NGLY1: variants seen among roughly 807,000 people sequenced by gnomAD.
NGLY1 encodes the protein peptide-N(4)-(N-acetyl-beta-glucosaminyl)asparagine amidase.
In NGLY1, 68 loss-of-function variants were observed where a neutral mutation model predicts 84.6. The ratio of observed to expected loss-of-function variants is 0.80; its 90% CI spans 0.66 to 0.98. The LOEUF (loss-of-function observed/expected upper bound fraction) is 0.98. Ranked by LOEUF, NGLY1 falls within the 50% of genes least tolerant of loss-of-function variation. The pLI, the probability that NGLY1 is intolerant of heterozygous loss-of-function variation, is 0.00. For synonymous variants in NGLY1, 280 were observed against 275.2 expected (o/e 1.02, Z -0.17); for missense variants, 779 against 770.2 (o/e 1.01, Z -0.14).
chr3:25,782,257 T>C (rs539975756), intron 1 of NGLY1, among the ~76,000 whole-genome samples: 1 of 152,286 alleles, frequency 6.6e-6, no homozygotes, highest in African/African-American at 2.4e-5. Context: ...GTGAAACCTA[T>C]AACCTTGAAA....
chr3:25,724,078 C>G (rs147409911), intron 10 of NGLY1, among the ~76,000 whole-genome samples: 85 of 152,310 alleles, frequency 5.6e-4, no homozygotes, highest in African/African-American at 1.9e-3. Context: ...CCACTATTTT[C>G]AGGACTGAGA....
intron 2 of NGLY1, among the ~76,000 whole-genome samples, chr3:25,771,162 T>A (rs1294731577): frequency 7.2e-5 from 11 of 152,182 alleles, no homozygotes; most frequent in African/African-American, 2.7e-4. Context: ...TCTTCTAGAA[T>A]TTTTTATGGT....
At chr3:25,761,905 A>G (rs747148381) in intron 3 of NGLY1, among the ~76,000 whole-genome samples, 22 of 152,214 alleles carry the variant, frequency 1.4e-4, no homozygotes, top group Non-Finnish European at 2.4e-4. Context: ...TATATCCTGC[A>G]ATACGAAGAA....
Position 25,739,686 on chromosome 3 carries a change from T to C in NGLY1, c.772A>G (p.Arg258Gly), listed in dbSNP as rs200925557. Residue 258 changes from arginine (R) to glycine (G), a missense_variant, in exon 5 of 12, where the codon AGG (arginine) becomes GGG (glycine). Arg to Gly is a moderately radical substitution (Grantham distance 125). Coordinates refer to ENST00000280700, the MANE Select transcript of NGLY1 (RefSeq NM_018297.4). ...GGCAGTAATGATCTATCTCTAGACC[T>C]AGTCTGTCCACCACATTTGCTGCAC... ...VLCSKCGGQTRSRDRSLLPSD... is the reference protein window; with the variant it reads ...VLCSKCGGQTGSRDRSLLPSD... 10 of 1,614,090 alleles carry C rather than the reference T, an allele frequency of 6.2e-6. No individual in the cohort carries two copies. Among genetic ancestry groups the C allele is most frequent in the Non-Finnish European group, 8.5e-6 (10 of 1,179,996 alleles).
chr3:25,775,010 T>C (rs1382713822), intron 2 of NGLY1, among the ~76,000 whole-genome samples: 1 of 152,202 alleles, frequency 6.6e-6, no homozygotes, highest in Non-Finnish European at 1.5e-5. Context: ...CACTCAGCTC[T>C]CTAAATTAAT....
intron 9 of NGLY1, chr3:25,729,559 T>C (rs958820681): frequency 1.5e-5 from 4 of 275,118 alleles, no homozygotes; most frequent in South Asian, 1.6e-4. Context: ...TTTTGTGATT[T>C]TGCATTCAAT....
intron 2 of NGLY1, among the ~76,000 whole-genome samples, chr3:25,773,205 T>C (rs548222796): frequency 6.6e-6 from 1 of 152,338 alleles, no homozygotes; most frequent in East Asian, 1.9e-4. Flanking sequence ...TTTTCCTCAA[T>C]TATTCCCTCA....
At chr3:25,748,449 T>C (rs547397248) in intron 4 of NGLY1, among the ~76,000 whole-genome samples, 14 of 152,308 alleles carry the variant, frequency 9.2e-5, no homozygotes, top group African/African-American at 3.4e-4. Flanking sequence ...ACAACTCTAG[T>C]TAGATTAATT....
At position 25,746,591 on chromosome 3, in the gene NGLY1, A is replaced by G. The variant is rs1706448306; in HGVS notation, c.658+4507T>C. ...AAATGGACTTTAAGTCTTAGCTAAT[A>G]GACTTGAAGGATTCTTGGTCCACTG... is the stretch of plus-strand genomic sequence containing the variant. On this transcript the variant is annotated intron_variant, in intron 4 of 11. Transcript: ENST00000280700. Among the ~76,000 whole-genome samples the G allele has an allele frequency of 2.0e-5, 3 of 152,340 alleles. No homozygotes were observed. The South Asian group carries it at 6.2e-4, about 32-fold the overall frequency.
intron 8 of NGLY1, among the ~76,000 whole-genome samples, chr3:25,733,184 G>A (rs1162790336): frequency 1.3e-5 from 2 of 152,096 alleles, no homozygotes; most frequent in Admixed American, 6.6e-5. Flanking sequence ...CACATCAGGA[G>A]TAAGTGCAGA....
At chr3:25,759,730 G>A (rs1317061327) in intron 3 of NGLY1, among the ~76,000 whole-genome samples, 2 of 152,148 alleles carry the variant, frequency 1.3e-5, no homozygotes, top group Non-Finnish European at 2.9e-5. Context: ...AGTTTAAAAT[G>A]TGAAATCTGT....
Position 25,783,292 on chromosome 3 carries a change from C to G in NGLY1, c.99G>C (p.Lys33Asn). 6.2e-7 allele frequency: 1 copy of G among 1,609,302 alleles called. No homozygotes were observed. Among genetic ancestry groups the G allele is most frequent in the Admixed American group, 1.7e-5 (1 of 59,804 alleles). Residue 33 changes from lysine to asparagine, a missense_variant, in exon 1 of 12, where the codon AAG (lysine) becomes AAC (asparagine). Lys to Asn is a moderately conservative substitution (Grantham distance 94). Coordinates refer to ENST00000280700, the MANE Select transcript of NGLY1 (RefSeq NM_018297.4). This position sits in a 1 kb window ranked among gnomAD's most constrained non-coding sequence, Gnocchi z 4.5. ...NTPETFLEASKLLLTYADNIL... is the reference protein window; with the variant it reads ...NTPETFLEASNLLLTYADNIL... ...TGTTGTCAGCATAGGTGAGCAGCAG[C>G]TTGGAGGCCTCCAAAAAGGTCTCCG...
At chr3:25,735,910 G>C in intron 7 of NGLY1, 94 bp downstream of exon 7, 2 of 1,073,024 alleles carry the variant, frequency 1.9e-6, no homozygotes, top group Non-Finnish European at 2.6e-6. Flanking sequence ...ATATATGCAG[G>C]TTATTGTATG....
upstream of NGLY1, among the ~76,000 whole-genome samples, chr3:25,786,056 C>T (rs1387339629): frequency 6.6e-6 from 1 of 152,208 alleles, no homozygotes; most frequent in Non-Finnish European, 1.5e-5. Context: ...TCCTGAAAGA[C>T]TTCAACTCCT....
chr3:25,783,365 G>A lies in NGLY1; in HGVS notation c.26C>T (p.Ser9Phe). The change falls in exon 1 of 12, where the codon TCC becomes TTC. Residue 9 changes from serine (S) to phenylalanine (F), a missense_variant. Physicochemically the swap from Ser to Phe is radical, Grantham distance 155. Transcript: ENST00000280700. This position sits in a 1 kb window ranked among gnomAD's most constrained non-coding sequence, Gnocchi z 4.5. MAAAALGS[S>F]SGSASPAVAE... ...CACGGCCGGGGACGCCGAGCCTGAGGAGCTGCCCAATGCCGCCGCCGCCAT... is the reference window on the plus strand; with the variant it reads ...CACGGCCGGGGACGCCGAGCCTGAGAAGCTGCCCAATGCCGCCGCCGCCAT... The A allele has an allele frequency of 1.3e-6, 2 of 1,557,496 alleles. No homozygotes were observed. Among genetic ancestry groups the A allele is most frequent in the African/African-American group, 1.4e-5 (1 of 72,316 alleles).
Position 25,764,296 on chromosome 3 carries a change from T to C in NGLY1, c.262A>G (p.Ile88Val). ...MGFEEGETHL[I>V]FPKKASVEQL... is the part of the protein sequence containing the mutation. ...TCCACTGAAGCTTTTTTAGGAAAGA[T>C]GAGATGTGTTTCTCCCTGGAATTTA... is the stretch of plus-strand genomic sequence containing the variant. Residue 88 changes from isoleucine (I) to valine (V), a missense_variant, in exon 3 of 12, where the codon ATC (isoleucine) becomes GTC (valine). Transcript: ENST00000280700. 6.2e-7 allele frequency: 1 copy of C among 1,613,362 alleles called. No homozygotes were observed.
upstream of NGLY1, among the ~76,000 whole-genome samples, chr3:25,785,805 A>G (rs1009405561): frequency 2.0e-5 from 3 of 152,254 alleles, no homozygotes; most frequent in African/African-American, 7.2e-5. Flanking sequence ...CCTGACAGAT[A>G]GAATGGTCAT....
chr3:25,787,195 G>C (rs141676679), upstream of NGLY1, among the ~76,000 whole-genome samples: 665 of 152,298 alleles, frequency 4.4e-3, 7 homozygotes, highest in South Asian at 0.022. Context: ...GTTTCAGTGA[G>C]GGGGGACAAC....
chr3:25,747,790 A>G (rs1475511877), intron 4 of NGLY1, among the ~76,000 whole-genome samples: 2 of 152,210 alleles, frequency 1.3e-5, no homozygotes, highest in African/African-American at 2.4e-5. Flanking sequence ...TTACATGGAA[A>G]AGAAGTCACT....
Sources: allele counts gnomAD v4.1 joint callset (sites outside exome capture counted in the v4.1 genomes callset), GRCh38; gene constraint gnomAD v4.1.1; non-coding constraint Gnocchi (gnomAD v3.1); transcripts MANE v1.5; gene names NCBI Gene and HGNC (gene_info 2026-07-23, HGNC 2026-07-21).